Variants in ANKS1A observed in about 807,000 individuals in gnomAD.
The protein encoded by ANKS1A is ankyrin repeat and sterile alpha motif domain containing 1A.
ANKS1A carries 55 observed loss-of-function variants against 120.3 expected under a neutral mutation model. The observed-to-expected ratio is 0.46, with a 90% CI of 0.37 to 0.57. ANKS1A has a LOEUF of 0.57. Among genes scored for constraint, ANKS1A ranks in the 20% least tolerant of loss-of-function variants. The probability of loss-of-function intolerance (pLI) is 0.00; values close to 1 mark genes in which losing one functional copy is unlikely to be tolerated. For missense variants in ANKS1A, 1,123 were observed against 1,480.3 expected (o/e 0.76, Z 3.96); for synonymous variants, 590 against 604.7 (o/e 0.98, Z 0.36).
chr6:35,075,966 C>G (rs953511770), intron 13 of ANKS1A, among the ~76,000 whole-genome samples: 9 of 152,162 alleles, frequency 5.9e-5, no homozygotes, highest in African/African-American at 1.9e-4. Context: ...CACTGCGTTG[C>G]CCAAGCTGGC....
At chr6:34,971,365 A>G (rs761589472) in intron 3 of ANKS1A, among the ~76,000 whole-genome samples, 52 of 152,182 alleles carry the variant, frequency 3.4e-4, no homozygotes, top group Non-Finnish European at 7.5e-4. Context: ...ATATCTTTGG[A>G]AAAAATTGTA....
In ANKS1A at chr6:34,942,458, G is replaced by A. The variant is rs982354108; in HGVS notation, c.198-24781G>A. 4.6e-5 allele frequency among the ~76,000 whole-genome samples: 7 copies of A among 152,298 alleles called. No homozygotes were observed. The East Asian group carries it at 1.2e-3, about 25-fold the overall frequency. On this transcript the variant is annotated intron_variant, in intron 1 of 23. Transcript: ENST00000360359. Reference sequence around the variant, plus strand: ...GCTAAGATGGAGTTCCAGTGTTTACGTTTCATACTCCAAATCTGAAGAGTG... The same window carrying A: ...GCTAAGATGGAGTTCCAGTGTTTACATTTCATACTCCAAATCTGAAGAGTG...
At chr6:35,043,771 T>G (rs547236095) in intron 11 of ANKS1A, among the ~76,000 whole-genome samples, 2 of 152,308 alleles carry the variant, frequency 1.3e-5, no homozygotes, top group South Asian at 4.1e-4. Flanking sequence ...GTAGATCTAC[T>G]AATTTGGAGT....
At chr6:35,004,059 G>C (rs538400975) in intron 10 of ANKS1A, among the ~76,000 whole-genome samples, 1 of 152,234 alleles carries the variant, frequency 6.6e-6, no homozygotes. Context: ...AAACTTCCCG[G>C]TCTGTTCTGT....
rs1773923680 is a variant in ANKS1A at position 35,014,891 on chromosome 6, C to G, written c.1424-2582C>G. On this transcript the variant is annotated intron_variant, in intron 10 of 23. Transcript: ENST00000360359. ...GATTAACTCTCCCCATCAGCTTCTC[C>G]TAGGAAGTACTATTGACCTGAACCA... Among the ~76,000 whole-genome samples, 4 of 152,138 alleles carry G rather than the reference C, an allele frequency of 2.6e-5. No individual in the cohort carries two copies. In the South Asian group the frequency reaches 8.3e-4, roughly 31 times the overall value.
chr6:34,970,471 G>A (rs2127512586), intron 3 of ANKS1A, among the ~76,000 whole-genome samples: 1 of 152,124 alleles, frequency 6.6e-6, no homozygotes, highest in African/African-American at 2.4e-5. Flanking sequence ...TCGTTTCCAG[G>A]ACCTCCCCAT....
chr6:35,038,327 C>T (rs1422039356), intron 11 of ANKS1A: 1 of 456,526 alleles, frequency 2.2e-6, no homozygotes, highest in Non-Finnish European at 4.4e-6. Context: ...ACTTTGCATT[C>T]TTACTGAGAT....
chr6:34,889,603 G>A lies in ANKS1A; in HGVS notation c.197+4G>A, dbSNP rs1028509927. 3.1e-6 allele frequency: 4 copies of A among 1,294,592 alleles called. No homozygotes were observed. The highest frequency in any genetic ancestry group is 3.9e-6 in the Non-Finnish European group (4 of 1,029,290). The allele number at this position is 1,294,592 out of a possible 1,614,324, so 80.2% of individuals were successfully genotyped here. A position where few individuals can be genotyped will look rare whatever the true frequency, so the allele number is the denominator to read the frequency against. On this transcript the variant is annotated splice_donor_region_variant and intron_variant, in intron 1 of 23. Transcript: ENST00000360359. This position sits in a 1 kb window ranked among gnomAD's most constrained non-coding sequence, Gnocchi z 5.5. ...ACCCCCTCTCCAGTCTGCTCAGGTG[G>A]GTACGCGCCAGGGCCGGGCCGCTGC...
Position 35,060,477 on chromosome 6 carries a change from C to T in ANKS1A, c.2184+224C>T, listed in dbSNP as rs1253474348. On this transcript the variant is annotated intron_variant, in intron 13 of 23. Transcript: ENST00000360359. This position sits in a 1 kb window ranked among gnomAD's most constrained non-coding sequence, Gnocchi z 4.5. Reference sequence around the variant, plus strand: ...CCCAGAAACGGCTCCAGAGGGAGCTCTCTTTGCAGATCTGCTTCCCAAGAA... The same window carrying T: ...CCCAGAAACGGCTCCAGAGGGAGCTTTCTTTGCAGATCTGCTTCCCAAGAA... 1.3e-5 allele frequency among the ~76,000 whole-genome samples: 2 copies of T among 152,220 alleles called. No homozygotes were observed. The highest frequency in any genetic ancestry group is 2.9e-5 in the Non-Finnish European group (2 of 68,036).
At chr6:34,950,106 G>A (rs1231662667) in intron 1 of ANKS1A, among the ~76,000 whole-genome samples, 1 of 152,066 alleles carries the variant, frequency 6.6e-6, no homozygotes, top group Non-Finnish European at 1.5e-5. Context: ...CTTGAATCCA[G>A]GAGCTTGAGG....
intron 1 of ANKS1A, among the ~76,000 whole-genome samples, chr6:34,896,602 G>C (rs890800381): frequency 3.3e-5 from 5 of 152,246 alleles, no homozygotes; most frequent in Middle Eastern, 3.4e-3. Flanking sequence ...ACTGAGTAAG[G>C]CATTTACTTA....
At chr6:34,916,252 T>G (rs1768158317) in intron 1 of ANKS1A, among the ~76,000 whole-genome samples, 1 of 152,150 alleles carries the variant, frequency 6.6e-6, no homozygotes, top group Admixed American at 6.5e-5. Context: ...CTCGGCCTCC[T>G]AAAGTGCTGG....
At chr6:34,994,192 C>T in intron 9 of ANKS1A, 110 bp from the exon 10 acceptor site, 1 of 1,385,288 alleles carries the variant, frequency 7.2e-7, no homozygotes, top group Non-Finnish European at 9.8e-7. Flanking sequence ...TTCTCTTTTC[C>T]ACCTTTCTTC....
chr6:35,033,813 C>G (rs1423642908), intron 11 of ANKS1A, among the ~76,000 whole-genome samples: 1 of 152,200 alleles, frequency 6.6e-6, no homozygotes, highest in Non-Finnish European at 1.5e-5. Flanking sequence ...TCTCTCTGTG[C>G]TCTGGAAGGG....
Position 35,084,058 on chromosome 6 carries a change from G to C in ANKS1A, c.2995-63G>C. On this transcript the variant is annotated intron_variant, in intron 20 of 23. Coordinates refer to ENST00000360359, the MANE Select transcript of ANKS1A (RefSeq NM_015245.3). This position sits in a 1 kb window ranked among gnomAD's most constrained non-coding sequence, Gnocchi z 4.8. The stretch of plus-strand genomic sequence containing the variant: ...GAACAGTGACAATGGTAACAGGCTG[G>C]GGCAGGGGGTGCCAGAGGCATGCCT... The C allele has an allele frequency of 6.2e-7, 1 of 1,600,240 alleles. No homozygotes were observed. Among genetic ancestry groups the C allele is most frequent in the Non-Finnish European group, 8.5e-7 (1 of 1,171,496 alleles).
chr6:35,017,877 A>G lies in ANKS1A; in HGVS notation c.1828A>G (p.Thr610Ala), dbSNP rs761915621. The change falls in exon 11 of 24, where the codon ACT (threonine) becomes GCT (alanine). Residue 610 changes from threonine (T) to alanine (A), a missense_variant. Physicochemically the swap from Thr to Ala is moderately conservative, Grantham distance 58. Transcript: ENST00000360359. Reference protein sequence around the residue: ...RSGARSRAPPTSKPKAELKLS... With the variant: ...RSGARSRAPPASKPKAELKLS... ...TGGGGCCAGGAGCCGAGCGCCTCCC[A>G]CTAGCAAACCCAAAGCTGAACTCAA... 167 of 1,614,024 alleles carry G rather than the reference A, an allele frequency of 1.0e-4. No individual in the cohort carries two copies. The Middle Eastern group carries it at 1.2e-3, about 11-fold the overall frequency.
At chr6:35,071,130 CT>C in intron 13 of ANKS1A, 1 of 307,984 alleles carries the variant, frequency 3.2e-6, no homozygotes, top group Non-Finnish European at 6.2e-6. Context: ...TTTGAATCCA[CT>C]TGTGACCTGT....
intron 13 of ANKS1A, among the ~76,000 whole-genome samples, chr6:35,064,943 G>T (rs1776693322): frequency 6.6e-6 from 1 of 152,336 alleles, no homozygotes; most frequent in Admixed American, 6.5e-5. Context: ...GACAAGTGTG[G>T]ATCCAGCCTC....
At position 35,082,644 on chromosome 6, in the gene ANKS1A, G is replaced by T; in HGVS notation, c.2710-47G>T. 1 of 1,559,362 alleles carries T rather than the reference G, an allele frequency of 6.4e-7. No homozygotes were observed. Among genetic ancestry groups the T allele is most frequent in the Non-Finnish European group, 8.7e-7 (1 of 1,150,824 alleles). On this transcript the variant is annotated intron_variant, in intron 17 of 23. Coordinates refer to ENST00000360359, the MANE Select transcript of ANKS1A (RefSeq NM_015245.3). The surrounding 1 kb of genome is among the most constrained non-coding windows in gnomAD (Gnocchi z 4.1). ...CTGGAGCCAGGCAGCAAGCCCATGT[G>T]CTCCTCTGGAGCAAGGAGCAGGTGT... is the stretch of plus-strand genomic sequence containing the variant.
Sources: gnomAD v4.1 joint callset for allele counts (sites outside exome capture counted in the v4.1 genomes callset) on GRCh38, gnomAD v4.1.1 for gene constraint, Gnocchi (gnomAD v3.1) non-coding constraint, MANE v1.5 for transcripts, NCBI Gene and HGNC (gene_info 2026-07-23, HGNC 2026-07-21) for gene names.